NALF1: variants seen among roughly 807,000 people sequenced by gnomAD.
NALF1 encodes the protein family with sequence similarity 155 member A.
Under a neutral mutation model 48.4 loss-of-function variants are expected in NALF1, and 3 were observed. That is an observed-to-expected ratio of 0.06 (90% confidence interval 0.03 to 0.16). NALF1 has a LOEUF of 0.16. NALF1 is among the 10% of genes least tolerant of loss of function. The pLI, the probability that NALF1 is intolerant of heterozygous loss-of-function variation, is 1.00. For synonymous variants in NALF1, 262 were observed against 245.7 expected (o/e 1.07, Z -0.62); for missense variants, 526 against 571.5 (o/e 0.92, Z 0.81).
At chr13:107,366,706 T>C (rs958269930) in intron 1 of NALF1, among the ~76,000 whole-genome samples, 1 of 152,202 alleles carries the variant, frequency 6.6e-6, no homozygotes, top group Admixed American at 6.5e-5. Context: ...GAAGTTTCAA[T>C]AGTTCTCATT....
In NALF1 at chr13:107,263,787, T is replaced by G. The variant is rs1010438721; in HGVS notation, c.916-53032A>C. ...TATGTCTTCATCAGCAGTGTGAAAA[T>G]GGACTAAGACAATGGTCTGTACAAC... is the stretch of plus-strand genomic sequence containing the variant. On this transcript the variant is annotated intron_variant, in intron 1 of 2. Coordinates refer to ENST00000375915, the MANE Select transcript of NALF1 (RefSeq NM_001080396.3). Among the ~76,000 whole-genome samples the G allele has an allele frequency of 6.5e-4, 99 of 152,244 alleles. 1 individual carries two copies. The highest frequency in any genetic ancestry group is 3.4e-3 in the Middle Eastern group (1 of 294).
chr13:107,436,522 A>G (rs1447403746), intron 1 of NALF1, among the ~76,000 whole-genome samples: 1 of 152,214 alleles, frequency 6.6e-6, no homozygotes, highest in East Asian at 1.9e-4. Flanking sequence ...GACAAAATTC[A>G]GTATCCATTC....
intron 1 of NALF1, among the ~76,000 whole-genome samples, chr13:107,212,003 C>G (rs1198106307): frequency 2.6e-5 from 4 of 152,126 alleles, no homozygotes; most frequent in Admixed American, 6.5e-5. Context: ...CTGTAGGGCT[C>G]CAAAGACTGT....
At chr13:107,454,201 G>C (rs1884787929) in intron 1 of NALF1, among the ~76,000 whole-genome samples, 1 of 152,000 alleles carries the variant, frequency 6.6e-6, no homozygotes, top group Non-Finnish European at 1.5e-5. Flanking sequence ...ACATTTTCGG[G>C]TATCTTTATA....
intron 1 of NALF1, among the ~76,000 whole-genome samples, chr13:107,663,385 T>C (rs1478658690): frequency 2.0e-5 from 3 of 152,172 alleles, no homozygotes; most frequent in Non-Finnish European, 2.9e-5. Flanking sequence ...CTTTAGAAGG[T>C]ATGTAGCGGA....
At chr13:107,835,833 C>T (rs1241190097) in intron 1 of NALF1, among the ~76,000 whole-genome samples, 2 of 152,130 alleles carry the variant, frequency 1.3e-5, no homozygotes, top group African/African-American at 2.4e-5. Flanking sequence ...GGAACATGCA[C>T]TCTGTGGTTA....
At chr13:107,263,290 A>ACG (rs1880973055) in intron 1 of NALF1, among the ~76,000 whole-genome samples, 2 of 148,486 alleles carry the variant, frequency 1.3e-5, no homozygotes, top group South Asian at 4.3e-4. Context: ...ACACACACAC[A>ACG]CATCTCAGTG....
chr13:107,552,861 T>C (rs899797028), intron 1 of NALF1, among the ~76,000 whole-genome samples: 2 of 152,174 alleles, frequency 1.3e-5, no homozygotes, highest in African/African-American at 2.4e-5. Context: ...TTACCAGTGA[T>C]TTACTGTCGT....
chr13:107,732,314 A>T (rs145375290), intron 1 of NALF1, among the ~76,000 whole-genome samples: 156 of 152,298 alleles, frequency 1.0e-3, no homozygotes, highest in African/African-American at 3.4e-3. Context: ...TCTATTACCT[A>T]TACATACACA....
At chr13:107,546,797 G>C (rs1290206602) in intron 1 of NALF1, among the ~76,000 whole-genome samples, 2 of 152,096 alleles carry the variant, frequency 1.3e-5, no homozygotes, top group African/African-American at 2.4e-5. Flanking sequence ...TGTGTATACT[G>C]CATTATACAT....
At chr13:107,176,845 T>TAAG (rs1878949659) in intron 2 of NALF1, among the ~76,000 whole-genome samples, 2 of 151,972 alleles carry the variant, frequency 1.3e-5, no homozygotes, top group Admixed American at 1.3e-4. Context: ...TGGAAAAGAA[T>TAAG]AAGTCAAATT....
chr13:107,761,140 G>A (rs376908318), intron 1 of NALF1, among the ~76,000 whole-genome samples: 184 of 152,228 alleles, frequency 1.2e-3, no homozygotes, highest in African/African-American at 4.1e-3. Flanking sequence ...GGCAGATCAC[G>A]AGGTCAAGAG....
intron 1 of NALF1, among the ~76,000 whole-genome samples, chr13:107,332,887 C>T (rs559018159): frequency 6.6e-6 from 1 of 152,124 alleles, no homozygotes; most frequent in South Asian, 2.1e-4. Context: ...GCTCTATGGC[C>T]CAGGCTGGAG....
chr13:107,271,509 C>G (rs1332950391), intron 1 of NALF1, among the ~76,000 whole-genome samples: 1 of 151,938 alleles, frequency 6.6e-6, no homozygotes, highest in East Asian at 1.9e-4. Flanking sequence ...CTGAATGAGG[C>G]TAGACGACTG....
chr13:107,783,556 A>T (rs1330662116), intron 1 of NALF1, among the ~76,000 whole-genome samples: 1 of 152,136 alleles, frequency 6.6e-6, no homozygotes, highest in African/African-American at 2.4e-5. Context: ...TTGATCTGTG[A>T]CCTTACCCCC....
At chr13:107,750,309 C>T (rs374106935) in intron 1 of NALF1, among the ~76,000 whole-genome samples, 2 of 152,190 alleles carry the variant, frequency 1.3e-5, no homozygotes, top group Admixed American at 6.5e-5. Context: ...GCTGTCAAAG[C>T]GAGTGTCTAT....
rs1377904553 is a variant in NALF1, at chr13:107,867,218, G to A, written c.-622C>T. 6.7e-6 allele frequency among the ~76,000 whole-genome samples: 1 copy of A among 149,880 alleles called. No homozygotes were observed. The highest frequency in any genetic ancestry group is 1.5e-5 in the Non-Finnish European group (1 of 67,468). On this transcript the variant is annotated 5_prime_UTR_variant, in exon 1 of 3. Transcript: ENST00000375915. The surrounding 1 kb of genome is among the most constrained non-coding windows in gnomAD (Gnocchi z 4.4). ...CTCCTCCGCCTCCCGCTCCTGCTCC[G>A]CGCTGGCTCTCCCAGAGTCCGGAGC...
At chr13:107,239,852 C>G (rs1382184181) in intron 1 of NALF1, among the ~76,000 whole-genome samples, 1 of 152,084 alleles carries the variant, frequency 6.6e-6, no homozygotes, top group Non-Finnish European at 1.5e-5. Flanking sequence ...GCAGCACAGC[C>G]TTTGGGAAAC....
chr13:107,537,971 C>A (rs73591155), intron 1 of NALF1, among the ~76,000 whole-genome samples: 1 of 152,040 alleles, frequency 6.6e-6, no homozygotes, highest in African/African-American at 2.4e-5. Context: ...GAGCCAACAT[C>A]GAGTCACTGC....
Sources: gnomAD v4.1 joint callset for allele counts (sites outside exome capture counted in the v4.1 genomes callset) on GRCh38, gnomAD v4.1.1 for gene constraint, Gnocchi (gnomAD v3.1) non-coding constraint, MANE v1.5 for transcripts, NCBI Gene and HGNC (gene_info 2026-07-23, HGNC 2026-07-21) for gene names.